Variants in BRAF observed in about 807,000 individuals in gnomAD.
BRAF encodes the protein serine/threonine-protein kinase B-raf.
BRAF carries 16 observed loss-of-function variants against 104.6 expected under a neutral mutation model. The observed-to-expected ratio is 0.15, with a 90% CI of 0.10 to 0.23. The LOEUF (loss-of-function observed/expected upper bound fraction) is 0.23, where lower values mean the gene tolerates loss of function less well. Ranked by LOEUF, BRAF falls within the 10% of genes least tolerant of loss-of-function variation. The pLI, the probability that BRAF is intolerant of heterozygous loss-of-function variation, is 1.00. For synonymous variants in BRAF, 310 were observed against 341.6 expected (o/e 0.91, Z 1.02); for missense variants, 541 against 937.3 (o/e 0.58, Z 5.52).
intron 7 of BRAF, 41 bp from the exon 8 acceptor site, chr7:140,794,508 C>T (rs764861589): frequency 7.0e-5 from 111 of 1,590,112 alleles, no homozygotes; most frequent in Non-Finnish European, 8.3e-5. Flanking sequence ...TTCAGAGTAA[C>T]GATATAAAGG....
Position 140,924,826 on chromosome 7 carries a change from G to T in BRAF, c.-123C>A. 1 of 367,666 alleles carries T rather than the reference G, an allele frequency of 2.7e-6. No individual in the cohort carries two copies. Among genetic ancestry groups the T allele is most frequent in the Non-Finnish European group, 4.8e-6 (1 of 209,066 alleles). 22.8% of individuals were successfully genotyped at this position (367,666 alleles called of 1,614,324 possible). A position where few individuals can be genotyped will look rare whatever the true frequency, so the allele number is the denominator to read the frequency against. ...AGGAGCGGGGGGCGCGGGGGGCGCG[G>T]GGAGGAGCGGCCCGGGCGGCGCCGC... On this transcript the variant is annotated 5_prime_UTR_variant, in exon 1 of 20. Transcript: ENST00000644969. This position sits in a 1 kb window ranked among gnomAD's most constrained non-coding sequence, Gnocchi z 4.2.
At chr7:140,837,434 T>C (rs190185147) in intron 2 of BRAF, among the ~76,000 whole-genome samples, 47 of 152,370 alleles carry the variant, frequency 3.1e-4, no homozygotes, top group Admixed American at 2.5e-3. Flanking sequence ...ATTTGGCCAT[T>C]GTTGTCTTCC....
intron 14 of BRAF, among the ~76,000 whole-genome samples, chr7:140,761,634 C>G (rs1265319710): frequency 6.6e-6 from 1 of 152,118 alleles, no homozygotes; most frequent in Non-Finnish European, 1.5e-5. Context: ...GTGCTGCATA[C>G]AGGAAACCCA....
chr7:140,801,388 A>T, intron 6 of BRAF, 24 bp downstream of exon 6: 2 of 1,612,514 alleles, frequency 1.2e-6, no homozygotes, highest in Non-Finnish European at 1.7e-6. Flanking sequence ...GTAGGTAGAA[A>T]AGAGATATTT....
intron 1 of BRAF, among the ~76,000 whole-genome samples, chr7:140,886,762 G>A (rs1489214981): frequency 3.3e-5 from 5 of 152,046 alleles, no homozygotes; most frequent in South Asian, 4.2e-4. Flanking sequence ...CAGAATTTGC[G>A]TGTGTGTGTA....
chr7:140,801,329 G>A (rs1803088764), intron 6 of BRAF, 83 bp downstream of exon 6: 1 of 1,496,856 alleles, frequency 6.7e-7, no homozygotes, highest in African/African-American at 1.4e-5. Flanking sequence ...AACCCTCACA[G>A]ACTTTTAGAC....
chr7:140,900,171 C>G (rs763070341), intron 1 of BRAF, among the ~76,000 whole-genome samples: 3 of 152,194 alleles, frequency 2.0e-5, no homozygotes, highest in Non-Finnish European at 2.9e-5. Context: ...CAATAGATAA[C>G]TAATAGTGTG....
At chr7:140,867,345 G>C (rs1020788590) in intron 1 of BRAF, among the ~76,000 whole-genome samples, 3 of 152,148 alleles carry the variant, frequency 2.0e-5, no homozygotes, top group Non-Finnish European at 2.9e-5. Flanking sequence ...ACATGCCATA[G>C]CATGAAGGCA....
At chr7:140,750,694 A>C (rs1490395676) in intron 16 of BRAF, among the ~76,000 whole-genome samples, 2 of 152,234 alleles carry the variant, frequency 1.3e-5, no homozygotes, top group Non-Finnish European at 2.9e-5. Flanking sequence ...GTGATGTAAT[A>C]AGCAAGCCAG....
At chr7:140,864,691 G>T (rs955692352) in intron 1 of BRAF, among the ~76,000 whole-genome samples, 1 of 152,198 alleles carries the variant, frequency 6.6e-6, no homozygotes, top group African/African-American at 2.4e-5. Context: ...CATAATAGTG[G>T]CTAGAAGACA....
At chr7:140,881,505 T>C (rs1812918319) in intron 1 of BRAF, among the ~76,000 whole-genome samples, 1 of 152,200 alleles carries the variant, frequency 6.6e-6, no homozygotes, top group South Asian at 2.1e-4. Context: ...TCCTCCCACC[T>C]TGGCCTCTTA....
chr7:140,914,819 C>T (rs1190985938), intron 1 of BRAF, among the ~76,000 whole-genome samples: 3 of 151,878 alleles, frequency 2.0e-5, no homozygotes, highest in African/African-American at 7.3e-5. Flanking sequence ...GCGGACGGAT[C>T]ATGAGGTCAG....
intron 1 of BRAF, among the ~76,000 whole-genome samples, chr7:140,864,299 G>C (rs949304816): frequency 5.3e-5 from 8 of 152,202 alleles, no homozygotes; most frequent in African/African-American, 1.9e-4. Flanking sequence ...TACTGGATTA[G>C]ACATGGAGGA....
At chr7:140,869,244 G>C (rs535604217) in intron 1 of BRAF, among the ~76,000 whole-genome samples, 1 of 152,272 alleles carries the variant, frequency 6.6e-6, no homozygotes, top group South Asian at 2.1e-4. Flanking sequence ...GAAATAACAT[G>C]TTCTTTTACA....
chr7:140,822,297 C>T (rs1226048620), intron 3 of BRAF: 2 of 152,016 alleles, frequency 1.3e-5, no homozygotes, highest in South Asian at 2.1e-4. Flanking sequence ...AACTGACATA[C>T]AATAAACTGC....
chr7:140,769,379 C>T (rs1193579148), intron 14 of BRAF, among the ~76,000 whole-genome samples: 1 of 152,090 alleles, frequency 6.6e-6, no homozygotes, highest in Non-Finnish European at 1.5e-5. Flanking sequence ...TGCTTGGCCA[C>T]CTCCAGTCTT....
intron 14 of BRAF, among the ~76,000 whole-genome samples, chr7:140,763,858 T>C (rs1487594670): frequency 6.6e-6 from 1 of 152,234 alleles, no homozygotes; most frequent in Non-Finnish European, 1.5e-5. Context: ...AGCTGAATTC[T>C]ACCAGAGATA....
intron 1 of BRAF, among the ~76,000 whole-genome samples, chr7:140,897,062 T>C (rs539904659): frequency 2.0e-5 from 3 of 150,348 alleles, no homozygotes; most frequent in East Asian, 1.9e-4. Context: ...CCTAATTCTT[T>C]TTTTTTTTTT....
At chr7:140,738,403 T>A (rs1796619640) in intron 18 of BRAF, among the ~76,000 whole-genome samples, 1 of 152,174 alleles carries the variant, frequency 6.6e-6, no homozygotes, top group South Asian at 2.1e-4. Flanking sequence ...GGACTGGGCA[T>A]TCAAAGGCCT....
Sources: allele counts gnomAD v4.1 joint callset (sites outside exome capture counted in the v4.1 genomes callset), GRCh38; gene constraint gnomAD v4.1.1; non-coding constraint Gnocchi (gnomAD v3.1); transcripts MANE v1.5; gene names NCBI Gene and HGNC (gene_info 2026-07-23, HGNC 2026-07-21).